The following PAPPA2 variants were observed in gnomAD, a reference collection of about 807,000 sequenced individuals.
PAPPA2 encodes the protein pappalysin-2.
PAPPA2 carries 86 observed loss-of-function variants against 176.4 expected under a neutral mutation model. The ratio of observed to expected loss-of-function variants is 0.49; its 90% CI spans 0.41 to 0.58. The LOEUF (loss-of-function observed/expected upper bound fraction) is 0.58. PAPPA2 is among the 20% of genes least tolerant of loss of function. PAPPA2 has a pLI of 0.00. For synonymous variants in PAPPA2, 809 were observed against 852.2 expected (o/e 0.95, Z 0.88); for missense variants, 2,073 against 2,256.9 (o/e 0.92, Z 1.65).
At chr1:176,493,084 A>G (rs1647382815) in intron 1 of PAPPA2, among the ~76,000 whole-genome samples, 1 of 152,212 alleles carries the variant, frequency 6.6e-6, no homozygotes, top group Admixed American at 6.5e-5. Flanking sequence ...TTTCAGTTTG[A>G]AAAACACTGG....
chr1:176,587,770 G>A (rs1423575310), intron 2 of PAPPA2, among the ~76,000 whole-genome samples: 2 of 152,108 alleles, frequency 1.3e-5, no homozygotes, highest in Non-Finnish European at 2.9e-5. Context: ...GGCTATACAG[G>A]GTCTTCTTTG....
intron 14 of PAPPA2, among the ~76,000 whole-genome samples, chr1:176,752,470 CTTGCT>C (rs1663231759): frequency 6.6e-6 from 1 of 151,806 alleles, no homozygotes; most frequent in South Asian, 2.1e-4. Flanking sequence ...ACATACCTGC[CTTGCT>C]TTGCTAACCA....
intron 1 of PAPPA2, among the ~76,000 whole-genome samples, chr1:176,535,490 G>T (rs113358812): frequency 6.6e-6 from 1 of 152,212 alleles, no homozygotes; most frequent in African/African-American, 2.4e-5. Flanking sequence ...TACACAAATA[G>T]CTTGGGAAAA....
At position 176,800,920 on chromosome 1, in the gene PAPPA2, A is replaced by G. The variant is rs534078107; in HGVS notation, c.5202+788A>G. Among the ~76,000 whole-genome samples, 28 of 152,214 alleles carry G rather than the reference A, an allele frequency of 1.8e-4. No individual in the cohort carries two copies. The South Asian group carries it at 5.6e-3, about 30-fold the overall frequency. On this transcript the variant is annotated intron_variant, in intron 21 of 22. Coordinates refer to ENST00000367662, the MANE Select transcript of PAPPA2 (RefSeq NM_020318.3). Reference sequence around the variant, plus strand: ...ACTTCTTCACATAGTAGATTCCCCAATCAGTGGGGGGATGTAGGCTGCTGT... The same window carrying G: ...ACTTCTTCACATAGTAGATTCCCCAGTCAGTGGGGGGATGTAGGCTGCTGT...
At chr1:176,527,108 G>A (rs1649539286) in intron 1 of PAPPA2, among the ~76,000 whole-genome samples, 1 of 152,170 alleles carries the variant, frequency 6.6e-6, no homozygotes, top group African/African-American at 2.4e-5. Context: ...CACTATGCGT[G>A]TCTTGAATAA....
intron 1 of PAPPA2, among the ~76,000 whole-genome samples, chr1:176,498,859 G>A (rs1215105883): frequency 1.3e-5 from 2 of 151,268 alleles, no homozygotes; most frequent in African/African-American, 2.5e-5. Flanking sequence ...AGGTAGCATC[G>A]TTGAAACCTC....
At chr1:176,682,497 T>G (rs1028318655) in intron 4 of PAPPA2, among the ~76,000 whole-genome samples, 10 of 152,196 alleles carry the variant, frequency 6.6e-5, no homozygotes, top group Non-Finnish European at 1.5e-4. Flanking sequence ...TTTAAAAATT[T>G]TAATTATGGG....
intron 21 of PAPPA2, among the ~76,000 whole-genome samples, chr1:176,817,727 TAAA>T (rs60368860): frequency 2.1e-5 from 3 of 144,126 alleles, no homozygotes; most frequent in Non-Finnish European, 1.5e-5. Flanking sequence ...TAACCTCTGT[TAAA>T]AAAAAAAAAA....
At chr1:176,615,271 A>C (rs908872428) in intron 3 of PAPPA2, among the ~76,000 whole-genome samples, 2 of 152,160 alleles carry the variant, frequency 1.3e-5, no homozygotes, top group Non-Finnish European at 2.9e-5. Context: ...GACATTAAAG[A>C]CATGTGCTTT....
At chr1:176,504,071 GT>G (rs1648113887) in intron 1 of PAPPA2, among the ~76,000 whole-genome samples, 1 of 151,942 alleles carries the variant, frequency 6.6e-6, no homozygotes, top group African/African-American at 2.4e-5. Context: ...GTTCATCTTG[GT>G]TATGGTCATT....
intron 14 of PAPPA2, among the ~76,000 whole-genome samples, chr1:176,758,496 A>G (rs900052548): frequency 1.3e-5 from 2 of 152,216 alleles, no homozygotes; most frequent in Non-Finnish European, 2.9e-5. Flanking sequence ...TCCACTCTAC[A>G]TTCTGTACAT....
At chr1:176,795,924 C>T (rs1376516540) in intron 20 of PAPPA2, among the ~76,000 whole-genome samples, 1 of 152,124 alleles carries the variant, frequency 6.6e-6, no homozygotes, top group Non-Finnish European at 1.5e-5. Context: ...CAAATTGTTC[C>T]CCAAAACATA....
chr1:176,724,917 AC>A (rs1193882323), intron 12 of PAPPA2, among the ~76,000 whole-genome samples: 1 of 152,202 alleles, frequency 6.6e-6, no homozygotes, highest in African/African-American at 2.4e-5. Context: ...GATGTTAAGC[AC>A]TGGCTAGTAG....
chr1:176,693,440 C>T (rs1208133470), intron 6 of PAPPA2, among the ~76,000 whole-genome samples: 1 of 152,204 alleles, frequency 6.6e-6, no homozygotes. Flanking sequence ...TAATTTAGAG[C>T]ATTCTTATTT....
intron 21 of PAPPA2, among the ~76,000 whole-genome samples, chr1:176,819,279 T>A (rs1275159719): frequency 6.6e-6 from 1 of 152,182 alleles, no homozygotes; most frequent in Non-Finnish European, 1.5e-5. Context: ...ATCCTGAATG[T>A]TATGAGTCCT....
chr1:176,623,602 C>CTTT (rs1655732664), intron 3 of PAPPA2, among the ~76,000 whole-genome samples: 5 of 130,790 alleles, frequency 3.8e-5, no homozygotes, highest in African/African-American at 1.5e-4. Context: ...TTCCTTCCTT[C>CTTT]CTTCCTTCCT....
rs58591760 is a variant in PAPPA2, at chr1:176,752,342, TAAAAAAAAA to T, written c.4151+12161_4151+12169del. On this transcript the variant is annotated intron_variant, in intron 14 of 22. Transcript: ENST00000367662. ...ATGTACCCTAAAACTTAGAGTATAA[TAAAAAAAAA>T]AAAAAAAAAAAAAACATTTACCATT... Among the ~76,000 whole-genome samples the T allele has an allele frequency of 6.9e-4, 67 of 96,492 alleles. 1 individual carries two copies. The highest frequency in any genetic ancestry group is 1.3e-3 in the Admixed American group (11 of 8,628). 63.3% of individuals were successfully genotyped at this position (96,492 alleles called of 152,430 possible).
intron 15 of PAPPA2, among the ~76,000 whole-genome samples, chr1:176,766,112 T>A (rs1663952688): frequency 6.6e-6 from 1 of 152,220 alleles, no homozygotes; most frequent in Non-Finnish European, 1.5e-5. Context: ...TTATTTTCCC[T>A]CCTTTTGCCT....
At chr1:176,652,206 T>A (rs1657769671) in intron 3 of PAPPA2, among the ~76,000 whole-genome samples, 1 of 151,658 alleles carries the variant, frequency 6.6e-6, no homozygotes, top group South Asian at 2.1e-4. Context: ...GGTTCCCTAT[T>A]TGCTGTTGTT....
Sources: gnomAD v4.1 joint callset for allele counts (sites outside exome capture counted in the v4.1 genomes callset) on GRCh38, gnomAD v4.1.1 for gene constraint, MANE v1.5 for transcripts, NCBI Gene and HGNC (gene_info 2026-07-23, HGNC 2026-07-21) for gene names.